MAML2: variants seen among roughly 807,000 people sequenced by gnomAD.
MAML2 encodes the protein mastermind-like protein 2.
In MAML2, 22 loss-of-function variants were observed where a neutral mutation model predicts 96.1. The observed-to-expected ratio is 0.23, with a 90% CI of 0.16 to 0.33. The LOEUF (loss-of-function observed/expected upper bound fraction) is 0.33, where lower values mean the gene tolerates loss of function less well. Ranked by LOEUF, MAML2 falls within the 10% of genes least tolerant of loss-of-function variation. The probability of loss-of-function intolerance (pLI) is 1.00; values close to 1 mark genes in which losing one functional copy is unlikely to be tolerated. For synonymous variants in MAML2, 561 were observed against 521.3 expected (o/e 1.08, Z -1.04); for missense variants, 1,367 against 1,392.4 (o/e 0.98, Z 0.29).
chr11:96,234,055 T>C (rs1158631802), intron 1 of MAML2, among the ~76,000 whole-genome samples: 3 of 152,142 alleles, frequency 2.0e-5, no homozygotes, highest in Admixed American at 6.5e-5. Flanking sequence ...GCAAAAACAA[T>C]ATACTTCCTA....
intron 1 of MAML2, among the ~76,000 whole-genome samples, chr11:96,130,832 C>CGCTTCCTAT (rs1049963389): frequency 4.0e-5 from 6 of 151,086 alleles, no homozygotes; most frequent in Admixed American, 2.6e-4. Flanking sequence ...AACTAAAATA[C>CGCTTCCTAT]GCTTCCTATT....
At chr11:96,205,642 G>C (rs538316124) in intron 1 of MAML2, among the ~76,000 whole-genome samples, 1 of 152,316 alleles carries the variant, frequency 6.6e-6, no homozygotes, top group East Asian at 1.9e-4. Context: ...AGGCTGAATT[G>C]ACTTGGCAAG....
At chr11:96,133,500 C>G (rs1860578343) in intron 1 of MAML2, among the ~76,000 whole-genome samples, 1 of 152,120 alleles carries the variant, frequency 6.6e-6, no homozygotes, top group Non-Finnish European at 1.5e-5. Context: ...ATTATTTTCC[C>G]TATGAAAGAC....
chr11:96,293,513 C>CT (rs1380486812), intron 1 of MAML2, among the ~76,000 whole-genome samples: 2 of 152,040 alleles, frequency 1.3e-5, no homozygotes, highest in Non-Finnish European at 1.5e-5. Flanking sequence ...ATTAAGATAA[C>CT]TATAAAAATA....
intron 2 of MAML2, among the ~76,000 whole-genome samples, chr11:96,008,358 A>T (rs1858218540): frequency 6.6e-6 from 1 of 152,208 alleles, no homozygotes; most frequent in South Asian, 2.1e-4. Flanking sequence ...TCAGGAGAGA[A>T]TGCAGGAAGG....
At chr11:96,209,936 C>A (rs16923292) in intron 1 of MAML2, among the ~76,000 whole-genome samples, 2 of 152,042 alleles carry the variant, frequency 1.3e-5, no homozygotes, top group African/African-American at 4.8e-5. Flanking sequence ...GCATACTTTA[C>A]GGTGAATGTT....
intron 1 of MAML2, among the ~76,000 whole-genome samples, chr11:96,307,654 G>T (rs905427622): frequency 6.6e-6 from 1 of 152,106 alleles, no homozygotes; most frequent in Admixed American, 6.6e-5. Flanking sequence ...TGCTCATATG[G>T]GAAGGCTGCC....
In MAML2 at chr11:95,977,046, A is replaced by G; in HGVS notation, c.*1902T>C. 5.0e-6 allele frequency: 1 copy of G among 201,908 alleles called. No individual in the cohort carries two copies. 12.5% of individuals were successfully genotyped at this position (201,908 alleles called of 1,614,324 possible). ...TGGAATGCTTTCTTATTGAGGTTTCAGAATATAAATTTGTCTAACAAGCCT... is the reference window on the plus strand; with the variant it reads ...TGGAATGCTTTCTTATTGAGGTTTCGGAATATAAATTTGTCTAACAAGCCT... On this transcript the variant is annotated 3_prime_UTR_variant, in exon 5 of 5. Coordinates refer to ENST00000524717, the MANE Select transcript of MAML2 (RefSeq NM_032427.4).
In MAML2 at chr11:96,237,038, T is replaced by C. The variant is rs910447589; in HGVS notation, c.513+104345A>G. Among the ~76,000 whole-genome samples the C allele has an allele frequency of 1.9e-4, 29 of 152,120 alleles. 1 individual carries two copies. The highest frequency in any genetic ancestry group is 7.0e-4 in the African/African-American group (29 of 41,378). ...ATGCTAATATTTTGCAGACCAAGCATGAGCCAAAATGGATTAAAAAATCTA... is the reference window on the plus strand; with the variant it reads ...ATGCTAATATTTTGCAGACCAAGCACGAGCCAAAATGGATTAAAAAATCTA... On this transcript the variant is annotated intron_variant, in intron 1 of 4. Coordinates refer to ENST00000524717, the MANE Select transcript of MAML2 (RefSeq NM_032427.4).
intron 2 of MAML2, among the ~76,000 whole-genome samples, chr11:96,009,885 G>T (rs182326114): frequency 3.9e-5 from 6 of 152,236 alleles, no homozygotes; most frequent in Admixed American, 3.9e-4. Flanking sequence ...TTACAAAAAG[G>T]TCATGTATTC....
intron 2 of MAML2, among the ~76,000 whole-genome samples, chr11:96,079,680 G>A: frequency 6.6e-6 from 1 of 152,162 alleles, no homozygotes; most frequent in East Asian, 1.9e-4. Context: ...AGACACCTAG[G>A]AAGCTTCTAA....
intron 1 of MAML2, among the ~76,000 whole-genome samples, chr11:96,253,412 C>T (rs917515999): frequency 1.3e-5 from 2 of 152,186 alleles, no homozygotes; most frequent in Non-Finnish European, 2.9e-5. Context: ...GACGAAATCA[C>T]AAAATCCATA....
intron 1 of MAML2, among the ~76,000 whole-genome samples, chr11:96,324,855 G>T (rs1320623477): frequency 6.6e-6 from 1 of 152,144 alleles, no homozygotes; most frequent in Non-Finnish European, 1.5e-5. Flanking sequence ...TTTAATTCAA[G>T]ATCAAGTTTC....
chr11:96,104,945 T>G (rs1315916399), intron 1 of MAML2, among the ~76,000 whole-genome samples: 1 of 152,174 alleles, frequency 6.6e-6, no homozygotes, highest in Non-Finnish European at 1.5e-5. Context: ...ACCCATAACC[T>G]TCCAATAAAT....
intron 1 of MAML2, among the ~76,000 whole-genome samples, chr11:96,193,572 C>T (rs933204224): frequency 2.0e-5 from 3 of 152,088 alleles, no homozygotes; most frequent in Non-Finnish European, 4.4e-5. Context: ...AGTAATAAAA[C>T]AGTGAATTCT....
chr11:96,326,726 T>C (rs369761805), intron 1 of MAML2, among the ~76,000 whole-genome samples: 42 of 151,772 alleles, frequency 2.8e-4, no homozygotes, highest in African/African-American at 8.7e-4. Context: ...GATCGCACAA[T>C]TGCACTCCAG....
chr11:96,037,212 A>AC (rs1055734939), intron 2 of MAML2, among the ~76,000 whole-genome samples: 22 of 150,100 alleles, frequency 1.5e-4, no homozygotes, highest in African/African-American at 5.3e-4. Flanking sequence ...CAACAAAAAA[A>AC]ATAACTCTGG....
rs1565250381 is a variant in MAML2 at position 96,212,145 on chromosome 11, GT to G, written c.514-118629del. 1.6e-4 allele frequency among the ~76,000 whole-genome samples: 23 copies of G among 148,002 alleles called. No homozygotes were observed. In the East Asian group the frequency reaches 2.2e-3, roughly 14 times the overall value. Reference sequence around the variant, plus strand: ...TGTGTGTGTGTGTGTGTGTGTGTGTGTGTGTGGAAGGGGGACTCGTAATCTC... The same window carrying G: ...TGTGTGTGTGTGTGTGTGTGTGTGTGGTGTGGAAGGGGGACTCGTAATCTC... On this transcript the variant is annotated intron_variant, in intron 1 of 4. Transcript: ENST00000524717.
intron 1 of MAML2, among the ~76,000 whole-genome samples, chr11:96,236,853 A>G (rs1457528365): frequency 1.3e-5 from 2 of 152,234 alleles, no homozygotes; most frequent in African/African-American, 2.4e-5. Flanking sequence ...ACCACATATT[A>G]TATAGTTTGG....
Sources: allele counts gnomAD v4.1 joint callset (sites outside exome capture counted in the v4.1 genomes callset), GRCh38; gene constraint gnomAD v4.1.1; transcripts MANE v1.5; gene names NCBI Gene and HGNC (gene_info 2026-07-23, HGNC 2026-07-21).